The following PPP2R2C variants were observed in gnomAD, a reference collection of about 807,000 sequenced individuals.
PPP2R2C encodes the protein protein phosphatase 2 regulatory subunit Bgamma, also known as protein phosphatase 2, regulatory subunit B, gamma.
A neutral mutation model predicts 45.3 loss-of-function variants in PPP2R2C; 10 were observed. The ratio of observed to expected loss-of-function variants is 0.22; its 90% CI spans 0.14 to 0.37. PPP2R2C has a LOEUF of 0.37. Ranked by LOEUF, PPP2R2C falls within the 10% of genes least tolerant of loss-of-function variation. The probability of loss-of-function intolerance (pLI) is 1.00; values close to 1 mark genes in which losing one functional copy is unlikely to be tolerated. For missense variants in PPP2R2C, 308 were observed against 619.7 expected (o/e 0.50, Z 5.34); for synonymous variants, 257 against 245.4 (o/e 1.05, Z -0.44).
At chr4:6,400,244 C>G (rs1219876477) in intron 1 of PPP2R2C, among the ~76,000 whole-genome samples, 4 of 152,160 alleles carry the variant, frequency 2.6e-5, no homozygotes, top group Non-Finnish European at 5.9e-5. Flanking sequence ...AGACTGAATG[C>G]AGGAGCTGAT....
At chr4:6,326,231 G>A (rs1281966613) in intron 8 of PPP2R2C, among the ~76,000 whole-genome samples, 2 of 152,172 alleles carry the variant, frequency 1.3e-5, no homozygotes, top group African/African-American at 4.8e-5. Context: ...CTCTGAAGAG[G>A]GAGAGGATGA....
intron 1 of PPP2R2C, among the ~76,000 whole-genome samples, chr4:6,461,983 T>C (rs1314953756): frequency 6.6e-6 from 1 of 152,218 alleles, no homozygotes; most frequent in Non-Finnish European, 1.5e-5. Flanking sequence ...CCAGAGAGGA[T>C]GGTGCAGCCA....
intron 1 of PPP2R2C, chr4:6,414,127 G>A: frequency 8.8e-7 from 1 of 1,140,004 alleles, no homozygotes; most frequent in Non-Finnish European, 1.2e-6. Context: ...TGTGTGTACA[G>A]GTAAATAAAC....
At chr4:6,453,079 TGC>T (rs1720825492) in intron 1 of PPP2R2C, among the ~76,000 whole-genome samples, 4 of 152,218 alleles carry the variant, frequency 2.6e-5, no homozygotes, top group Admixed American at 6.5e-5. Flanking sequence ...GCAGTCCCAC[TGC>T]TCATCATAAA....
At chr4:6,340,487 G>A (rs894104083) in intron 6 of PPP2R2C, among the ~76,000 whole-genome samples, 2 of 152,098 alleles carry the variant, frequency 1.3e-5, no homozygotes, top group African/African-American at 2.4e-5. Flanking sequence ...CCACACAGAC[G>A]GGAGCCTGGT....
At position 6,332,413 on chromosome 4, in the gene PPP2R2C, C is replaced by A. The variant is rs1018150133; in HGVS notation, c.960+1149G>T. 1.2e-4 allele frequency among the ~76,000 whole-genome samples: 19 copies of A among 152,190 alleles called. No homozygotes were observed. The highest frequency in any genetic ancestry group is 4.6e-4 in the African/African-American group (19 of 41,442). On this transcript the variant is annotated intron_variant, in intron 7 of 8. Coordinates refer to ENST00000382599, the MANE Select transcript of PPP2R2C (RefSeq NM_020416.4). The surrounding 1 kb of genome is among the most constrained non-coding windows in gnomAD (Gnocchi z 4.9). The stretch of plus-strand genomic sequence containing the variant: ...AGTCGCAAGAACTCAAGTAAACACA[C>A]GTGGCTGACAAACAGGCGGTCCCCA...
chr4:6,443,531 C>T (rs906495345), intron 1 of PPP2R2C, among the ~76,000 whole-genome samples: 6 of 152,262 alleles, frequency 3.9e-5, no homozygotes, highest in Admixed American at 6.5e-5. Flanking sequence ...GTCACTCTGC[C>T]GCAACATTCA....
chr4:6,339,905 C>G (rs940604484), intron 6 of PPP2R2C, among the ~76,000 whole-genome samples: 2 of 152,176 alleles, frequency 1.3e-5, no homozygotes, highest in Non-Finnish European at 2.9e-5. Flanking sequence ...TTGGAGGGTC[C>G]GAGAAGCAGA....
rs570374658 is a variant in PPP2R2C, at chr4:6,441,048, G to T, written c.70+31112C>A. 3.9e-5 allele frequency among the ~76,000 whole-genome samples: 6 copies of T among 152,206 alleles called. No individual in the cohort carries two copies. In the South Asian group the frequency reaches 1.2e-3, roughly 32 times the overall value. ...AGGGAGCTGGGGTATTTATACCACTGCACCTGTCAGTGACTGGGTGAGGGC... is the reference window on the plus strand; with the variant it reads ...AGGGAGCTGGGGTATTTATACCACTTCACCTGTCAGTGACTGGGTGAGGGC... On this transcript the variant is annotated intron_variant, in intron 1 of 8. Transcript: ENST00000382599.
At chr4:6,510,776 G>C (rs150208727) in intron 2 of PPP2R2C, among the ~76,000 whole-genome samples, 1,649 of 152,174 alleles carry the variant, frequency 0.011, 65 homozygotes, top group Non-Finnish European at 7.7e-3. Context: ...AGGAGATAGA[G>C]ACCATCCTGG....
rs140669596 is a variant in PPP2R2C at position 6,500,675 on chromosome 4, T to C, written c.49+34596A>G. On this transcript the variant is annotated intron_variant, in intron 2 of 9. Transcript: ENST00000506140. ...CCAGGAAGGAAAGAGGGGGGTTCAT[T>C]TGAGCCAAGTCCTGGGGTGCATCCG... is the stretch of plus-strand genomic sequence containing the variant. 3.3e-3 allele frequency among the ~76,000 whole-genome samples: 508 copies of C among 152,292 alleles called. 1 individual carries two copies. Among genetic ancestry groups the C allele is most frequent in the African/African-American group, 0.012 (485 of 41,572 alleles).
rs550639327 is a variant in PPP2R2C, at chr4:6,486,758, T to C, written c.49+48513A>G. Among the ~76,000 whole-genome samples the C allele has an allele frequency of 1.4e-4, 21 of 152,254 alleles. No individual in the cohort carries two copies. The South Asian group carries it at 4.1e-3, about 30-fold the overall frequency. On this transcript the variant is annotated intron_variant, in intron 2 of 9. Transcript: ENST00000506140. ...GTCTTTATATTTCAAGTGGGTTGCA[T>C]GTAGGCAGCATATATTTGGGTCTTG...
At chr4:6,406,135 C>A (rs747332948) in intron 1 of PPP2R2C, among the ~76,000 whole-genome samples, 2 of 152,132 alleles carry the variant, frequency 1.3e-5, no homozygotes, top group Non-Finnish European at 2.9e-5. Context: ...TATTTTTGAA[C>A]AATTTGAGAC....
intron 2 of PPP2R2C, among the ~76,000 whole-genome samples, chr4:6,523,068 T>C (rs1724077651): frequency 6.6e-6 from 1 of 152,186 alleles, no homozygotes; most frequent in Non-Finnish European, 1.5e-5. Context: ...AGCCAGTGTT[T>C]CTCCAAGTGC....
chr4:6,402,310 C>CGGCCG (rs1717469612), intron 1 of PPP2R2C, among the ~76,000 whole-genome samples: 1 of 152,182 alleles, frequency 6.6e-6, no homozygotes, highest in Non-Finnish European at 1.5e-5. Flanking sequence ...TTCATACAAG[C>CGGCCG]GGCCCCATTT....
chr4:6,519,784 G>C (rs1441766447), intron 2 of PPP2R2C, among the ~76,000 whole-genome samples: 3 of 152,174 alleles, frequency 2.0e-5, no homozygotes, highest in African/African-American at 7.2e-5. Context: ...CAGCAACCAA[G>C]CCCCTCAAAC....
rs1007159141 is a variant in PPP2R2C at position 6,323,461 on chromosome 4, C to T, written c.1185G>A (p.Val395=). ...TGTCATCACGCCGGCGCTTGCCCCCCACGCACACGCGCCGTGGCTTGAGCA... is the reference window on the plus strand; with the variant it reads ...TGTCATCACGCCGGCGCTTGCCCCCTACGCACACGCGCCGTGGCTTGAGCA... The part of the protein sequence containing the change: ...RAVLKPRRVC[V]GGKRRRDDIS... Residue 395 remains valine (V), a synonymous_variant, in exon 9 of 9, where the codon GTG becomes GTA. Transcript: ENST00000382599. 1.2e-6 allele frequency: 2 copies of T among 1,613,216 alleles called. No individual in the cohort carries two copies. Among genetic ancestry groups the T allele is most frequent in the South Asian group, 1.1e-5 (1 of 91,060 alleles).
rs367953029 is a variant in PPP2R2C at position 6,450,835 on chromosome 4, T to C, written c.70+21325A>G. ...GGAGACAGGTGGAGGCACCTCCGCCTGGCCCTGCCACCTGCCACATTGCAT... is the reference window on the plus strand; with the variant it reads ...GGAGACAGGTGGAGGCACCTCCGCCCGGCCCTGCCACCTGCCACATTGCAT... On this transcript the variant is annotated intron_variant, in intron 1 of 8. Transcript: ENST00000382599. Among the ~76,000 whole-genome samples, 25 of 152,264 alleles carry C rather than the reference T, an allele frequency of 1.6e-4. No individual in the cohort carries two copies. The South Asian group carries it at 5.2e-3, about 32-fold the overall frequency.
intron 8 of PPP2R2C, among the ~76,000 whole-genome samples, chr4:6,325,355 A>T (rs1731857673): frequency 6.6e-6 from 1 of 151,944 alleles, no homozygotes; most frequent in South Asian, 2.1e-4. Flanking sequence ...TTTATATGTG[A>T]CTCAGAGCCT....
Sources: allele counts gnomAD v4.1 joint callset (sites outside exome capture counted in the v4.1 genomes callset), GRCh38; gene constraint gnomAD v4.1.1; non-coding constraint Gnocchi (gnomAD v3.1); transcripts MANE v1.5; gene names NCBI Gene and HGNC (gene_info 2026-07-23, HGNC 2026-07-21).